TRPM3: variants seen among roughly 807,000 people sequenced by gnomAD.
TRPM3 encodes transient receptor potential cation channel subfamily M member 3.
Under a neutral mutation model 181.2 loss-of-function variants are expected in TRPM3, and 77 were observed. The ratio of observed to expected loss-of-function variants is 0.42; its 90% CI spans 0.35 to 0.51. TRPM3 has a LOEUF of 0.51. TRPM3 is among the 20% of genes least tolerant of loss of function. The pLI is 0.01. For synonymous variants in TRPM3, 745 were observed against 796.4 expected (o/e 0.94, Z 1.09); for missense variants, 1,759 against 2,196.7 (o/e 0.80, Z 3.98).
intron 1 of TRPM3, among the ~76,000 whole-genome samples, chr9:71,348,903 A>C (rs1433446231): frequency 6.6e-6 from 1 of 152,032 alleles, no homozygotes; most frequent in Non-Finnish European, 1.5e-5. Flanking sequence ...ATGAGAATGT[A>C]AGTTAGTTAT....
intron 20 of TRPM3, among the ~76,000 whole-genome samples, chr9:70,599,751 A>G (rs1002438847): frequency 5.9e-5 from 9 of 152,150 alleles, no homozygotes; most frequent in Non-Finnish European, 1.2e-4. Context: ...CATGTCCCCA[A>G]GTCACTCTCC....
chr9:71,166,793 A>G (rs1489853237), intron 1 of TRPM3, among the ~76,000 whole-genome samples: 1 of 152,234 alleles, frequency 6.6e-6, no homozygotes, highest in African/African-American at 2.4e-5. Context: ...TGATTACGTA[A>G]AAGTAAATTT....
At chr9:70,871,794 C>T (rs1459699892) in intron 1 of TRPM3, among the ~76,000 whole-genome samples, 1 of 151,968 alleles carries the variant, frequency 6.6e-6, no homozygotes, top group Non-Finnish European at 1.5e-5. Flanking sequence ...CAAGAGAAAA[C>T]CACAAGGGTA....
At chr9:70,932,844 A>G (rs2096788609) in intron 1 of TRPM3, among the ~76,000 whole-genome samples, 1 of 152,156 alleles carries the variant, frequency 6.6e-6, no homozygotes, top group Admixed American at 6.5e-5. Context: ...ATGGCTGCTG[A>G]GTGTAGAACA....
chr9:71,276,776 C>G (rs72733886), intron 1 of TRPM3, among the ~76,000 whole-genome samples: 3,161 of 152,226 alleles, frequency 0.021, 55 homozygotes, highest in Non-Finnish European at 0.029. Context: ...GCCTCTGATT[C>G]AGAAATTCTA....
In TRPM3 at chr9:70,537,138, C is replaced by G. The variant is rs1161176928; in HGVS notation, c.3975G>C (p.Glu1325Asp). ...SQEGNTFKLQ[E>D]SIDPAGEETM... ...TCTCCTCACCTGCAGGGTCTATACT[C>G]TCTTGGAGCTTGAAGGTGTTCCCTT... The change falls in exon 26 of 26, where the codon GAG becomes GAC. Residue 1325 changes from glutamate to aspartate, a missense_variant. This residue lies in a region of TRPM3 where 612 missense variants were observed against 590.0 expected (regional missense o/e 1.04). Coordinates refer to ENST00000677713, the MANE Select transcript of TRPM3 (RefSeq NM_001366145.2). 4 of 1,594,922 alleles carry G rather than the reference C, an allele frequency of 2.5e-6. No individual in the cohort carries two copies. Among genetic ancestry groups the G allele is most frequent in the South Asian group, 1.1e-5 (1 of 90,218 alleles).
chr9:70,740,247 A>G (rs930882437), intron 8 of TRPM3, among the ~76,000 whole-genome samples: 3 of 152,216 alleles, frequency 2.0e-5, no homozygotes, highest in African/African-American at 7.2e-5. Context: ...TAAAATACTT[A>G]GGAATATACC....
intron 1 of TRPM3, among the ~76,000 whole-genome samples, chr9:71,209,335 G>C (rs1046249676): frequency 7.0e-6 from 1 of 143,152 alleles, no homozygotes; most frequent in African/African-American, 2.6e-5. Flanking sequence ...CATGAAAAAT[G>C]GAAGGAGGTG....
chr9:71,428,441 A>G (rs1220868504), intron 1 of TRPM3, among the ~76,000 whole-genome samples: 1 of 152,036 alleles, frequency 6.6e-6, no homozygotes, highest in Non-Finnish European at 1.5e-5. Flanking sequence ...GATGGCCATC[A>G]AGTTTGGGAA....
intron 6 of TRPM3, among the ~76,000 whole-genome samples, chr9:70,795,912 C>A (rs2086899916): frequency 6.6e-6 from 1 of 152,214 alleles, no homozygotes. Context: ...TGGCCAATCC[C>A]TTGGGCTGTA....
chr9:71,085,961 A>C (rs1008596886), intron 1 of TRPM3, among the ~76,000 whole-genome samples: 22 of 152,036 alleles, frequency 1.4e-4, no homozygotes, highest in Non-Finnish European at 1.5e-5. Context: ...GCCCATCAAC[A>C]GTGGACTGGA....
intron 1 of TRPM3, among the ~76,000 whole-genome samples, chr9:71,313,479 C>A (rs1244772873): frequency 6.6e-6 from 1 of 152,008 alleles, no homozygotes; most frequent in African/African-American, 2.4e-5. Context: ...TGTTTCATTC[C>A]AAGATTATCT....
At chr9:71,098,310 G>GT (rs1410604699) in intron 1 of TRPM3, among the ~76,000 whole-genome samples, 2 of 152,118 alleles carry the variant, frequency 1.3e-5, no homozygotes, top group Admixed American at 1.3e-4. Context: ...TATTTAGTGT[G>GT]TAGGAATTAA....
At chr9:71,000,647 A>T (rs2097588852) in intron 1 of TRPM3, among the ~76,000 whole-genome samples, 1 of 152,234 alleles carries the variant, frequency 6.6e-6, no homozygotes, top group Admixed American at 6.5e-5. Context: ...TAAATAACAT[A>T]ATCATCTGCC....
chr9:70,836,314 C>T (rs570784488), intron 5 of TRPM3, among the ~76,000 whole-genome samples: 3 of 152,208 alleles, frequency 2.0e-5, no homozygotes, highest in African/African-American at 4.8e-5. Flanking sequence ...TCCAGTCTCC[C>T]CCCATCTTAA....
chr9:71,096,596 T>TCTCTCTCTCTCTCTCTCTCC (rs2067304743), intron 1 of TRPM3, among the ~76,000 whole-genome samples: 1 of 119,606 alleles, frequency 8.4e-6, no homozygotes, highest in African/African-American at 3.6e-5. Flanking sequence ...ACACACTCTC[T>TCTCTCTCTCTCTCTCTCTCC]CTCTCTCTCT....
intron 1 of TRPM3, among the ~76,000 whole-genome samples, chr9:71,079,633 T>G (rs557483478): frequency 8.1e-4 from 124 of 152,320 alleles, no homozygotes; most frequent in Middle Eastern, 3.4e-3. Flanking sequence ...ATAATGCATA[T>G]GAGTCTTCCC....
intron 1 of TRPM3, among the ~76,000 whole-genome samples, chr9:71,112,868 G>A (rs1425265424): frequency 6.6e-6 from 1 of 152,140 alleles, no homozygotes; most frequent in Non-Finnish European, 1.5e-5. Flanking sequence ...CCTGCGTTGA[G>A]CATTAAAATA....
intron 1 of TRPM3, among the ~76,000 whole-genome samples, chr9:70,903,377 T>A (rs533016677): frequency 9.9e-5 from 15 of 152,268 alleles, no homozygotes; most frequent in African/African-American, 3.6e-4. Context: ...AGTGCCACTG[T>A]ATGGAAATGC....
Sources: gnomAD v4.1 joint callset for allele counts (sites outside exome capture counted in the v4.1 genomes callset) on GRCh38, gnomAD v4.1.1 for gene constraint, gnomAD v4.1.1 regional missense constraint, MANE v1.5 for transcripts, NCBI Gene and HGNC (gene_info 2026-07-23, HGNC 2026-07-21) for gene names.